ASTN2: variants seen among roughly 807,000 people sequenced by gnomAD.
ASTN2 encodes the protein astrotactin-2.
Under a neutral mutation model 139.8 loss-of-function variants are expected in ASTN2, and 54 were observed. The ratio of observed to expected loss-of-function variants is 0.39; its 90% confidence interval spans 0.31 to 0.48. ASTN2 has a LOEUF of 0.48. Among genes scored for constraint, ASTN2 ranks in the 20% least tolerant of loss-of-function variants. The probability of loss-of-function intolerance (pLI) is 0.95; values close to 1 mark genes in which losing one functional copy is unlikely to be tolerated. For synonymous variants in ASTN2, 756 were observed against 719.5 expected (o/e 1.05, Z -0.81); for missense variants, 1,565 against 1,725.1 (o/e 0.91, Z 1.64).
intron 3 of ASTN2, among the ~76,000 whole-genome samples, chr9:117,185,742 G>A (rs1294700279): frequency 2.0e-5 from 3 of 152,162 alleles, no homozygotes; most frequent in African/African-American, 4.8e-5. Flanking sequence ...CACAGAAGCT[G>A]TGAAGCAGTA....
intron 3 of ASTN2, among the ~76,000 whole-genome samples, chr9:117,168,015 G>A (rs577115667): frequency 1.4e-4 from 21 of 152,238 alleles, no homozygotes; most frequent in South Asian, 4.1e-4. Flanking sequence ...ATGGGGTAGA[G>A]ACCATTTACA....
At chr9:116,529,208 G>A (rs73524114) in intron 19 of ASTN2, among the ~76,000 whole-genome samples, 1,769 of 152,226 alleles carry the variant, frequency 0.012, 34 homozygotes, top group African/African-American at 0.041. Context: ...AGAGCCACAG[G>A]GATGGAGTAC....
At chr9:117,266,229 A>G (rs1833936068) in intron 2 of ASTN2, among the ~76,000 whole-genome samples, 1 of 152,196 alleles carries the variant, frequency 6.6e-6, no homozygotes, top group Non-Finnish European at 1.5e-5. Flanking sequence ...GGAAACATCT[A>G]TAACTCCCTC....
At chr9:116,652,055 G>A (rs938453488) in intron 16 of ASTN2, among the ~76,000 whole-genome samples, 1 of 152,018 alleles carries the variant, frequency 6.6e-6, no homozygotes, top group Non-Finnish European at 1.5e-5. Flanking sequence ...GTAAAGTTGG[G>A]GCCAGGCACA....
chr9:116,660,168 G>GCGCACA (rs139281552), intron 16 of ASTN2, among the ~76,000 whole-genome samples: 42 of 146,686 alleles, frequency 2.9e-4, no homozygotes, highest in East Asian at 1.9e-3. Flanking sequence ...TATTGCAAGC[G>GCGCACA]CACACACACA....
chr9:116,981,458 T>C (rs1836511163), intron 7 of ASTN2, among the ~76,000 whole-genome samples: 1 of 152,184 alleles, frequency 6.6e-6, no homozygotes, highest in South Asian at 2.1e-4. Context: ...GAATTCTATT[T>C]TACATCAGAG....
chr9:116,794,139 C>T (rs565917939), intron 13 of ASTN2, among the ~76,000 whole-genome samples: 75 of 145,228 alleles, frequency 5.2e-4, no homozygotes, highest in African/African-American at 1.8e-3. Context: ...CTCTTGTTGC[C>T]CAAGCTGGAG....
chr9:116,729,678 C>T (rs1828726705), intron 14 of ASTN2, among the ~76,000 whole-genome samples: 1 of 152,108 alleles, frequency 6.6e-6, no homozygotes, highest in Admixed American at 6.5e-5. Flanking sequence ...GTTTGCTGAC[C>T]CCTATGTAGA....
chr9:116,878,004 T>G (rs1833348976), intron 10 of ASTN2, among the ~76,000 whole-genome samples: 1 of 152,094 alleles, frequency 6.6e-6, no homozygotes, highest in African/African-American at 2.4e-5. Flanking sequence ...AAAACCACAA[T>G]GGGATACCAT....
chr9:116,639,462 T>C (rs904586184), intron 17 of ASTN2, among the ~76,000 whole-genome samples: 2 of 152,134 alleles, frequency 1.3e-5, no homozygotes, highest in African/African-American at 4.8e-5. Context: ...CTTCTTAGAT[T>C]AGGAAGAAAT....
chr9:116,507,913 A>G (rs1850180803), intron 19 of ASTN2, among the ~76,000 whole-genome samples: 1 of 151,800 alleles, frequency 6.6e-6, no homozygotes, highest in Admixed American at 6.6e-5. Context: ...CTTGAGACGG[A>G]GTTTCGCTCT....
intron 19 of ASTN2, among the ~76,000 whole-genome samples, chr9:116,596,256 G>C (rs1249973603): frequency 6.6e-6 from 1 of 152,208 alleles, no homozygotes; most frequent in African/African-American, 2.4e-5. Flanking sequence ...TGAGAATAGA[G>C]TGATGGTTTC....
At chr9:116,860,115 G>A (rs188466431) in intron 11 of ASTN2, among the ~76,000 whole-genome samples, 1 of 140,510 alleles carries the variant, frequency 7.1e-6, no homozygotes, top group Non-Finnish European at 1.5e-5. Context: ...AAAAAGTGAT[G>A]GCCCAGCATC....
intron 1 of ASTN2, among the ~76,000 whole-genome samples, chr9:117,324,919 T>G (rs370763857): frequency 4.6e-5 from 7 of 152,204 alleles, no homozygotes; most frequent in African/African-American, 1.7e-4. Flanking sequence ...GATATATCTA[T>G]GGGCAGTGGG....
At chr9:116,615,496 C>T (rs1270451059) in intron 19 of ASTN2, among the ~76,000 whole-genome samples, 1 of 152,040 alleles carries the variant, frequency 6.6e-6, no homozygotes, top group African/African-American at 2.4e-5. Flanking sequence ...CAATGATAGA[C>T]TGGATTAAGA....
chr9:117,003,951 C>CACGT (rs1554768378), intron 7 of ASTN2, among the ~76,000 whole-genome samples: 4 of 130,990 alleles, frequency 3.1e-5, no homozygotes, highest in African/African-American at 1.3e-4. Flanking sequence ...CGCGCGCGCG[C>CACGT]GCGTGTGTGT....
intron 7 of ASTN2, among the ~76,000 whole-genome samples, chr9:116,998,293 A>G (rs1344502553): frequency 2.6e-5 from 4 of 152,144 alleles, no homozygotes; most frequent in Non-Finnish European, 4.4e-5. Flanking sequence ...ACTCATTTGT[A>G]TATGACTAAT....
intron 20 of ASTN2, among the ~76,000 whole-genome samples, chr9:116,456,475 T>C (rs909003249): frequency 4.6e-5 from 7 of 152,154 alleles, no homozygotes; most frequent in Non-Finnish European, 8.8e-5. Flanking sequence ...ATGACATTTG[T>C]ATTAGTCCAT....
intron 3 of ASTN2, among the ~76,000 whole-genome samples, chr9:117,208,334 A>C (rs1041593808): frequency 6.6e-6 from 1 of 152,136 alleles, no homozygotes; most frequent in African/African-American, 2.4e-5. Flanking sequence ...AACAGGAACA[A>C]AGAGCTAAAG....
Sources: gnomAD v4.1 joint callset for allele counts (sites outside exome capture counted in the v4.1 genomes callset) on GRCh38, gnomAD v4.1.1 for gene constraint, MANE v1.5 for transcripts, NCBI Gene and HGNC (gene_info 2026-07-23, HGNC 2026-07-21) for gene names.